ST7: variants seen among roughly 807,000 people sequenced by gnomAD.
The protein encoded by ST7 is suppression of tumorigenicity 7.
ST7 carries 28 observed loss-of-function variants against 78.7 expected under a neutral mutation model. The ratio of observed to expected loss-of-function variants is 0.36; its 90% CI spans 0.26 to 0.49. ST7 has a LOEUF of 0.49. Among genes scored for constraint, ST7 ranks in the 20% least tolerant of loss-of-function variants. The pLI, the probability that ST7 is intolerant of heterozygous loss-of-function variation, is 0.99. For synonymous variants in ST7, 247 were observed against 249.6 expected (o/e 0.99, Z 0.10); for missense variants, 418 against 696.0 (o/e 0.60, Z 4.49).
intron 15 of ST7, chr7:117,223,910 A>G: frequency 4.1e-6 from 4 of 970,680 alleles, no homozygotes; most frequent in Non-Finnish European, 4.9e-6. Flanking sequence ...ATAAATAATA[A>G]ATGGTAGTGG....
intron 2 of ST7, among the ~76,000 whole-genome samples, chr7:117,109,276 C>G (rs1802224282): frequency 6.6e-6 from 1 of 151,998 alleles, no homozygotes; most frequent in Non-Finnish European, 1.5e-5. Context: ...CCTTCTATGC[C>G]AATTCTTTTG....
chr7:117,192,293 T>C (rs2117407110), intron 12 of ST7, among the ~76,000 whole-genome samples: 1 of 152,344 alleles, frequency 6.6e-6, no homozygotes, highest in South Asian at 2.1e-4. Context: ...TCAGTAAGCA[T>C]AAATAAGGCT....
intron 1 of ST7, among the ~76,000 whole-genome samples, chr7:117,018,395 G>A (rs1795718529): frequency 6.6e-6 from 1 of 152,126 alleles, no homozygotes. Flanking sequence ...GGTTGTCGAT[G>A]TGACTGTTTT....
At chr7:117,134,473 G>GA (rs1300151813) in intron 7 of ST7, among the ~76,000 whole-genome samples, 4 of 151,784 alleles carry the variant, frequency 2.6e-5, no homozygotes, top group African/African-American at 9.7e-5. Flanking sequence ...ATGTTTCTTG[G>GA]CCAGTAGTGC....
At chr7:117,177,895 T>A (rs1377215027) in intron 10 of ST7, among the ~76,000 whole-genome samples, 3 of 152,194 alleles carry the variant, frequency 2.0e-5, no homozygotes, top group Non-Finnish European at 4.4e-5. Flanking sequence ...CATAAACAAG[T>A]AAATTGAGAA....
chr7:116,982,000 A>AG (rs1414329026), intron 1 of ST7, among the ~76,000 whole-genome samples: 1 of 152,064 alleles, frequency 6.6e-6, no homozygotes, highest in Non-Finnish European at 1.5e-5. Flanking sequence ...TCTTGGCAGT[A>AG]GGTTACAAAG....
At chr7:117,129,601 A>G (rs1213422140) in intron 3 of ST7, among the ~76,000 whole-genome samples, 192 bp from the exon 4 acceptor site, 2 of 151,866 alleles carry the variant, frequency 1.3e-5, no homozygotes, top group Non-Finnish European at 2.9e-5. Flanking sequence ...ATTAGGCAAA[A>G]CTTTCCAAAG....
chr7:117,136,431 T>C lies in ST7; in HGVS notation c.865+196T>C, dbSNP rs552174877. On this transcript the variant is annotated intron_variant, in intron 8 of 15. Transcript: ENST00000323984. Reference sequence around the variant, plus strand: ...ATTAACTTACAGCTTCATTGCTGTTTATATTCACATTCTCTTTCCTGCCCA... The same window carrying C: ...ATTAACTTACAGCTTCATTGCTGTTCATATTCACATTCTCTTTCCTGCCCA... 13 of 641,904 alleles carry C rather than the reference T, an allele frequency of 2.0e-5. No homozygotes were observed. In the Admixed American group the frequency reaches 2.0e-4, roughly 10 times the overall value. The allele number at this position is 641,904 out of a possible 1,614,324, so 39.8% of individuals were successfully genotyped here.
chr7:117,156,845 T>C (rs1563128405), intron 9 of ST7, among the ~76,000 whole-genome samples: 1 of 152,070 alleles, frequency 6.6e-6, no homozygotes, highest in Non-Finnish European at 1.5e-5. Flanking sequence ...GGAAGTTTAG[T>C]GGGAGTAATG....
intron 2 of ST7, among the ~76,000 whole-genome samples, chr7:117,116,692 C>T (rs1168031265): frequency 6.6e-6 from 1 of 152,132 alleles, no homozygotes; most frequent in African/African-American, 2.4e-5. Flanking sequence ...TCTCTGTACA[C>T]AGCAGGGGCT....
At chr7:117,221,237 C>A (rs1392642131) in intron 14 of ST7, among the ~76,000 whole-genome samples, 3 of 152,088 alleles carry the variant, frequency 2.0e-5, no homozygotes, top group Non-Finnish European at 4.4e-5. Flanking sequence ...TAAAGAGCAC[C>A]AGCTTTTCTT....
At chr7:117,228,664 C>T (rs1308908356) in intron 15 of ST7, among the ~76,000 whole-genome samples, 1 of 152,212 alleles carries the variant, frequency 6.6e-6, no homozygotes, top group African/African-American at 2.4e-5. Flanking sequence ...GTCCACAGAA[C>T]ATTTACCTAG....
chr7:117,003,518 G>T (rs1795031700), intron 1 of ST7, among the ~76,000 whole-genome samples: 1 of 152,076 alleles, frequency 6.6e-6, no homozygotes, highest in Admixed American at 6.5e-5. Flanking sequence ...GGCTGGTCTT[G>T]AACTCCTGAC....
intron 1 of ST7, among the ~76,000 whole-genome samples, chr7:117,009,751 G>C (rs1039841845): frequency 6.6e-6 from 1 of 151,968 alleles, no homozygotes; most frequent in African/African-American, 2.4e-5. Flanking sequence ...TCTTCTGATA[G>C]AGTTAAAACA....
Position 117,100,331 on chromosome 7 carries a change from C to T in ST7, c.234+487C>T, listed in dbSNP as rs143669476. On this transcript the variant is annotated intron_variant, in intron 2 of 15. Coordinates refer to ENST00000323984, the MANE Select transcript of ST7 (RefSeq NM_001369598.1). ...TACTAAAAATACAAAAAAAATTAAC[C>T]GGGTGTAGTGGCACATACCTGTAGT... is the stretch of plus-strand genomic sequence containing the variant. Among the ~76,000 whole-genome samples, 513 of 151,978 alleles carry T rather than the reference C, an allele frequency of 3.4e-3. 10 individuals are homozygous for T. The highest frequency in any genetic ancestry group is 1.1e-3 in the Non-Finnish European group (77 of 67,968).
At chr7:117,213,802 T>G (rs1337877688) in intron 13 of ST7, among the ~76,000 whole-genome samples, 1 of 152,188 alleles carries the variant, frequency 6.6e-6, no homozygotes, top group African/African-American at 2.4e-5. Flanking sequence ...TTACAAGATT[T>G]TATAATATGT....
chr7:117,030,143 A>G (rs563381597), intron 1 of ST7, among the ~76,000 whole-genome samples: 4 of 152,312 alleles, frequency 2.6e-5, no homozygotes, highest in South Asian at 2.1e-4. Flanking sequence ...AAGTTTTGCA[A>G]TTCATGAACA....
chr7:117,026,256 A>G (rs1207863876), intron 1 of ST7, among the ~76,000 whole-genome samples: 1 of 152,206 alleles, frequency 6.6e-6, no homozygotes, highest in Non-Finnish European at 1.5e-5. Context: ...ATGTTCAAAT[A>G]CTGTTAAATT....
intron 2 of ST7, among the ~76,000 whole-genome samples, chr7:117,104,031 C>T (rs1801762047): frequency 6.6e-6 from 1 of 152,110 alleles, no homozygotes; most frequent in Non-Finnish European, 1.5e-5. Flanking sequence ...AGACCAAAAC[C>T]ACAACGAGCT....
Sources: gnomAD v4.1 joint callset for allele counts (sites outside exome capture counted in the v4.1 genomes callset) on GRCh38, gnomAD v4.1.1 for gene constraint, MANE v1.5 for transcripts, NCBI Gene and HGNC (gene_info 2026-07-23, HGNC 2026-07-21) for gene names.